EPHB2: variants seen among roughly 807,000 people sequenced by gnomAD.
EPHB2 encodes the protein ephrin type-B receptor 2.
Under a neutral mutation model 96.4 loss-of-function variants are expected in EPHB2, and 18 were observed. The observed-to-expected ratio is 0.19, with a 90% confidence interval of 0.13 to 0.28. The LOEUF (loss-of-function observed/expected upper bound fraction) is 0.28. Ranked by LOEUF, EPHB2 falls within the 10% of genes least tolerant of loss-of-function variation. The pLI is 1.00. For synonymous variants in EPHB2, 506 were observed against 534.1 expected, an observed-to-expected ratio of 0.95 and a Z score of 0.72; for missense variants, 989 against 1,355.4, an observed-to-expected ratio of 0.73 and a Z score of 4.25.
chr1:22,755,726 G>A (rs1465202932), intron 1 of EPHB2, among the ~76,000 whole-genome samples: 1 of 152,162 alleles, frequency 6.6e-6, no homozygotes, highest in South Asian at 2.1e-4. Flanking sequence ...TATGTCAAAG[G>A]AACATTTAGG....
chr1:22,827,571 C>T (rs764614984), intron 3 of EPHB2, among the ~76,000 whole-genome samples: 14 of 152,194 alleles, frequency 9.2e-5, no homozygotes, highest in Non-Finnish European at 1.6e-4. Context: ...TCAATTTTCT[C>T]ATCTAGAAAA....
At chr1:22,904,587 A>T (rs74658018) in intron 9 of EPHB2, among the ~76,000 whole-genome samples, 3,344 of 152,250 alleles carry the variant, frequency 0.022, 112 homozygotes, top group African/African-American at 0.077. Flanking sequence ...AAATAAAGCT[A>T]ACGTGTTAGA....
intron 3 of EPHB2, among the ~76,000 whole-genome samples, chr1:22,849,867 G>A (rs1476142089): frequency 6.6e-6 from 1 of 152,194 alleles, no homozygotes; most frequent in Non-Finnish European, 1.5e-5. Context: ...AACCCACACT[G>A]AAAAAGTTCA....
intron 3 of EPHB2, among the ~76,000 whole-genome samples, chr1:22,835,489 GATAT>G (rs1433206456): frequency 6.6e-6 from 1 of 152,234 alleles, no homozygotes; most frequent in East Asian, 1.9e-4. Flanking sequence ...TTTGCATATG[GATAT>G]ATAAAGACTG....
intron 1 of EPHB2, among the ~76,000 whole-genome samples, chr1:22,776,246 G>C (rs535246449): frequency 2.6e-5 from 4 of 151,968 alleles, no homozygotes; most frequent in Admixed American, 6.6e-5. Context: ...TCTGCCTAGC[G>C]TGCCCCTCCC....
rs114580900 is a variant in EPHB2 at position 22,755,960 on chromosome 1, G to A, written c.62-25461G>A. ...TCTAGAAAGATAGTTCTTTGTCTGAGACTGTCATTGACGAACCCAGGGTCC... is the reference window on the plus strand; with the variant it reads ...TCTAGAAAGATAGTTCTTTGTCTGAAACTGTCATTGACGAACCCAGGGTCC... On this transcript the variant is annotated intron_variant, in intron 1 of 15. Coordinates refer to ENST00000374630, the MANE Select transcript of EPHB2 (RefSeq NM_017449.5). Among the ~76,000 whole-genome samples, 1,466 of 152,256 alleles carry A rather than the reference G, an allele frequency of 9.6e-3. 23 individuals are homozygous for A. Among genetic ancestry groups the A allele is most frequent in the African/African-American group, 0.034 (1,402 of 41,538 alleles).
At chr1:22,861,222 A>G (rs1309798468) in intron 3 of EPHB2, among the ~76,000 whole-genome samples, 2 of 152,216 alleles carry the variant, frequency 1.3e-5, no homozygotes, top group African/African-American at 4.8e-5. Flanking sequence ...CCGAGGCCAC[A>G]CTGCTCACAC....
At chr1:22,764,837 CT>C (rs1644284920) in intron 1 of EPHB2, among the ~76,000 whole-genome samples, 2 of 152,200 alleles carry the variant, frequency 1.3e-5, no homozygotes, top group African/African-American at 4.8e-5. Context: ...GACCTAACAC[CT>C]GGGTTCTGCT....
chr1:22,757,393 G>A (rs562662636), intron 1 of EPHB2, among the ~76,000 whole-genome samples: 1 of 152,306 alleles, frequency 6.6e-6, no homozygotes, highest in Non-Finnish European at 1.5e-5. Context: ...GAGACAATTA[G>A]ATTAGATGGG....
At chr1:22,735,462 A>C (rs374560177) in intron 1 of EPHB2, among the ~76,000 whole-genome samples, 122 of 151,628 alleles carry the variant, frequency 8.0e-4, no homozygotes, top group African/African-American at 2.6e-3. Context: ...GAAGAAGAAG[A>C]AGAAGCAGAA....
intron 1 of EPHB2, among the ~76,000 whole-genome samples, chr1:22,772,516 T>C (rs1644394713): frequency 6.6e-6 from 1 of 152,214 alleles, no homozygotes; most frequent in Non-Finnish European, 1.5e-5. Context: ...TGCTGCTAGT[T>C]GGTAGATTTC....
intron 1 of EPHB2, among the ~76,000 whole-genome samples, chr1:22,753,660 G>A (rs556187820): frequency 1.3e-5 from 2 of 152,152 alleles, no homozygotes; most frequent in Admixed American, 6.5e-5. Context: ...GGCTGCCTGT[G>A]GGGGAGAGGC....
At chr1:22,868,274 C>G (rs990503802) in intron 5 of EPHB2, among the ~76,000 whole-genome samples, 3 of 152,004 alleles carry the variant, frequency 2.0e-5, no homozygotes, top group African/African-American at 4.8e-5. Flanking sequence ...CCCTCAGGAT[C>G]GAAAGACAGA....
chr1:22,748,000 G>A (rs1644001824), intron 1 of EPHB2, among the ~76,000 whole-genome samples: 1 of 152,192 alleles, frequency 6.6e-6, no homozygotes, highest in African/African-American at 2.4e-5. Context: ...GGATAGCATG[G>A]TAGCTGAGAA....
intron 1 of EPHB2, among the ~76,000 whole-genome samples, chr1:22,711,895 C>A (rs1479482007): frequency 1.3e-5 from 2 of 152,206 alleles, no homozygotes; most frequent in Non-Finnish European, 2.9e-5. Flanking sequence ...AGGGTAGTTG[C>A]TAGGTCTCCC....
chr1:22,919,087 T>TG lies in EPHB2; in HGVS notation c.*5521dup, dbSNP rs1640335156. The TG allele has an allele frequency of 1.3e-5, 2 of 152,210 alleles. No individual in the cohort carries two copies. The highest frequency in any genetic ancestry group is 6.5e-5 in the Admixed American group (1 of 15,280). 9.4% of individuals were successfully genotyped at this position (152,210 alleles called of 1,614,324 possible). A position where few individuals can be genotyped will look rare whatever the true frequency, so the allele number is the denominator to read the frequency against. On this transcript the variant is annotated 3_prime_UTR_variant, in exon 16 of 16. Coordinates refer to ENST00000374630, the MANE Select transcript of EPHB2 (RefSeq NM_017449.5). ...CCCCAACCCCCTAAATCAGAATCCC[T>TG]GGGGTTGGGCCCAAGAGTCTCCATT...
At chr1:22,825,364 G>A (rs1375527425) in intron 3 of EPHB2, among the ~76,000 whole-genome samples, 1 of 152,208 alleles carries the variant, frequency 6.6e-6, no homozygotes, top group East Asian at 1.9e-4. Context: ...TAACTCCTCG[G>A]ATGATCCAGT....
At chr1:22,768,234 G>A (rs1644332635) in intron 1 of EPHB2, among the ~76,000 whole-genome samples, 1 of 152,176 alleles carries the variant, frequency 6.6e-6, no homozygotes, top group East Asian at 1.9e-4. Context: ...CAGCTGTGTG[G>A]CCTGGAGAAG....
chr1:22,781,858 C>T (rs138292335), intron 2 of EPHB2, among the ~76,000 whole-genome samples: 8 of 152,248 alleles, frequency 5.3e-5, no homozygotes, highest in African/African-American at 1.9e-4. Flanking sequence ...CATCTCTGAT[C>T]CCATGGAGAG....
Sources: gnomAD v4.1 joint callset for allele counts (sites outside exome capture counted in the v4.1 genomes callset) on GRCh38, gnomAD v4.1.1 for gene constraint, MANE v1.5 for transcripts, NCBI Gene and HGNC (gene_info 2026-07-23, HGNC 2026-07-21) for gene names.